Variants in FNDC3A observed in about 807,000 individuals in gnomAD.
The protein encoded by FNDC3A is fibronectin type-III domain-containing protein 3A.
FNDC3A carries 32 observed loss-of-function variants against 148.9 expected under a neutral mutation model. The observed-to-expected ratio is 0.21, with a 90% CI of 0.16 to 0.29. The LOEUF (loss-of-function observed/expected upper bound fraction) is 0.29. FNDC3A is among the 10% of genes least tolerant of loss of function. The pLI is 1.00. For synonymous variants in FNDC3A, 472 were observed against 473.6 expected (o/e 1.00, Z 0.04); for missense variants, 1,191 against 1,452.8 (o/e 0.82, Z 2.93).
intron 2 of FNDC3A, among the ~76,000 whole-genome samples, chr13:49,034,955 C>T (rs1201079009): frequency 6.6e-6 from 1 of 151,990 alleles, no homozygotes; most frequent in South Asian, 2.1e-4. Context: ...TCTTGATACC[C>T]TGGACTTATT....
chr13:49,018,989 C>G, intron 2 of FNDC3A, among the ~76,000 whole-genome samples: 1 of 152,182 alleles, frequency 6.6e-6, no homozygotes, highest in Non-Finnish European at 1.5e-5. Flanking sequence ...GCTGGGAGAA[C>G]CACTGCTCTC....
intron 2 of FNDC3A, among the ~76,000 whole-genome samples, chr13:49,034,897 G>A (rs1281708891): frequency 1.3e-5 from 2 of 151,948 alleles, no homozygotes; most frequent in African/African-American, 2.4e-5. Flanking sequence ...TAACAATAAA[G>A]TAAAACACAA....
At chr13:49,172,385 C>T (rs566573948) in intron 11 of FNDC3A, among the ~76,000 whole-genome samples, 3 of 152,114 alleles carry the variant, frequency 2.0e-5, no homozygotes, top group Admixed American at 6.6e-5. Context: ...CCTATGGCTG[C>T]TATAACAAAT....
In FNDC3A at chr13:49,132,024, G is replaced by A. The variant is rs189773169; in HGVS notation, c.490+650G>A. Among the ~76,000 whole-genome samples the A allele has an allele frequency of 5.3e-5, 8 of 152,026 alleles. No homozygotes were observed. In the East Asian group the frequency reaches 5.8e-4, roughly 11 times the overall value. ...GACCCCCACGACTTGCTTTTTTTCC[G>A]TCCCTTCATCTCAGTAGGTGGTCCA... On this transcript the variant is annotated intron_variant, in intron 5 of 25. Coordinates refer to ENST00000492622, the MANE Select transcript of FNDC3A (RefSeq NM_001079673.2).
chr13:49,185,385 T>C (rs1407555936), intron 14 of FNDC3A, among the ~76,000 whole-genome samples: 1 of 152,162 alleles, frequency 6.6e-6, no homozygotes. Context: ...GTTGCAGTCA[T>C]CTCAAGGCTC....
chr13:49,058,127 G>A (rs1876388892), intron 2 of FNDC3A, among the ~76,000 whole-genome samples: 1 of 152,062 alleles, frequency 6.6e-6, no homozygotes, highest in African/African-American at 2.4e-5. Context: ...TATTCGGCTG[G>A]GAGCTTCAGC....
intron 2 of FNDC3A, among the ~76,000 whole-genome samples, chr13:49,020,265 G>C (rs1057096941): frequency 6.6e-6 from 1 of 152,056 alleles, no homozygotes; most frequent in East Asian, 1.9e-4. Context: ...CCTGAATTAA[G>C]GTCATGTTAA....
At chr13:49,174,697 T>C in intron 12 of FNDC3A, 138 bp downstream of exon 12, 2 of 715,228 alleles carry the variant, frequency 2.8e-6, no homozygotes, top group Non-Finnish European at 4.4e-6. Flanking sequence ...TAAGATGTGT[T>C]ACCAGTCTAG....
chr13:49,102,525 TAAC>T (rs1879926203), intron 3 of FNDC3A, among the ~76,000 whole-genome samples: 2 of 152,210 alleles, frequency 1.3e-5, no homozygotes, highest in Non-Finnish European at 2.9e-5. Flanking sequence ...TAAGAAAACT[TAAC>T]AAGACTTAAC....
At chr13:49,026,678 A>AT (rs1237055684) in intron 2 of FNDC3A, among the ~76,000 whole-genome samples, 5 of 152,036 alleles carry the variant, frequency 3.3e-5, no homozygotes, top group African/African-American at 1.2e-4. Context: ...TAATTCTGTT[A>AT]TTTTTTTATA....
At chr13:49,089,787 C>T (rs1240310098) in intron 3 of FNDC3A, among the ~76,000 whole-genome samples, 1 of 152,230 alleles carries the variant, frequency 6.6e-6, no homozygotes, top group Non-Finnish European at 1.5e-5. Flanking sequence ...AAGCCAGTTA[C>T]ACCATACCCA....
intron 3 of FNDC3A, chr13:49,110,418 T>C: frequency 4.6e-6 from 7 of 1,534,226 alleles, no homozygotes; most frequent in Non-Finnish European, 6.3e-6. Flanking sequence ...TAAGATTTGC[T>C]GTTTTCGAAC....
intron 17 of FNDC3A, among the ~76,000 whole-genome samples, 192 bp downstream of exon 17, chr13:49,188,825 T>C (rs1885728159): frequency 6.6e-6 from 1 of 152,216 alleles, no homozygotes; most frequent in Non-Finnish European, 1.5e-5. Flanking sequence ...GTATTCAGTG[T>C]GTGTCTGTTG....
intron 23 of FNDC3A, chr13:49,201,220 G>A: frequency 4.4e-6 from 1 of 227,246 alleles, no homozygotes; most frequent in South Asian, 5.2e-5. Context: ...TCATTGAACA[G>A]TTCAAGTGGG....
chr13:49,031,947 TCTAAAA>T (rs1874151053), intron 2 of FNDC3A, among the ~76,000 whole-genome samples: 2 of 152,136 alleles, frequency 1.3e-5, no homozygotes, highest in African/African-American at 4.8e-5. Context: ...TCTTACTTCT[TCTAAAA>T]AGACAACCTA....
At chr13:49,046,360 T>A (rs1875407000) in intron 2 of FNDC3A, 1 of 182,046 alleles carries the variant, frequency 5.5e-6, no homozygotes, top group South Asian at 1.4e-4. Flanking sequence ...TGGAAGTCTG[T>A]TAAAACTGGA....
intron 6 of FNDC3A, among the ~76,000 whole-genome samples, chr13:49,138,422 C>A (rs1021990309): frequency 2.0e-5 from 3 of 151,864 alleles, no homozygotes; most frequent in African/African-American, 7.3e-5. Flanking sequence ...TGAGAACTTT[C>A]CAGAGAGAAT....
intron 3 of FNDC3A, among the ~76,000 whole-genome samples, chr13:49,078,015 C>A (rs747176124): frequency 6.6e-5 from 10 of 152,144 alleles, no homozygotes; most frequent in Non-Finnish European, 1.5e-4. Context: ...ATAGAGCACA[C>A]ATCTAGGTTT....
At chr13:49,136,229 A>G in intron 5 of FNDC3A, 103 bp from the exon 6 acceptor site, 1 of 999,264 alleles carries the variant, frequency 1.0e-6, no homozygotes, top group Non-Finnish European at 1.4e-6. Flanking sequence ...TAAATATTTT[A>G]TAAAAGTTTT....
Sources: allele counts gnomAD v4.1 joint callset (sites outside exome capture counted in the v4.1 genomes callset), GRCh38; gene constraint gnomAD v4.1.1; transcripts MANE v1.5; gene names NCBI Gene and HGNC (gene_info 2026-07-23, HGNC 2026-07-21).